Variants in APC2 observed in about 807,000 individuals in gnomAD.
APC2 encodes APC regulator of Wnt signaling pathway 2.
APC2 carries 41 observed loss-of-function variants against 72.5 expected under a neutral mutation model. The ratio of observed to expected loss-of-function variants is 0.57; its 90% confidence interval spans 0.44 to 0.73. APC2 has a LOEUF of 0.73. Ranked by LOEUF, APC2 falls within the 30% of genes least tolerant of loss-of-function variation. The pLI is 0.00. For synonymous variants in APC2, 1,898 were observed against 1,612.0 expected, an observed-to-expected ratio of 1.18 and a Z score of -4.25; for missense variants, 3,729 against 3,403.4, an observed-to-expected ratio of 1.10 and a Z score of -2.38.
intron 10 of APC2, among the ~76,000 whole-genome samples, chr19:1,459,474 A>C (rs550613091): frequency 1.3e-5 from 2 of 151,404 alleles, no homozygotes; most frequent in South Asian, 2.1e-4. Flanking sequence ...GCTGCCCCCC[A>C]CTCCTGGCTC....
chr19:1,457,107 G>A lies in APC2; in HGVS notation c.1071G>A (p.Ser357=), dbSNP rs370181562. 11 of 1,583,384 alleles carry A rather than the reference G, an allele frequency of 6.9e-6. No individual in the cohort carries two copies. The highest frequency in any genetic ancestry group is 1.8e-5 in the Admixed American group (1 of 56,788). ...ANAALHNIVF[S]QPDQGLARKE... is the part of the protein sequence containing the mutation. ...CGGCGCTGCACAACATCGTCTTCTC[G>A]CAGCCGGACCAGGGCCTGGCGCGCA... Residue 357 remains serine (S), a synonymous_variant, in exon 9 of 15, where the codon TCG becomes TCA. Transcript: ENST00000590469.
chr19:1,468,048 G>C lies in APC2; in HGVS notation c.4747G>C (p.Ala1583Pro), dbSNP rs751572198. The C allele has an allele frequency of 6.3e-7, 1 of 1,577,844 alleles. No homozygotes were observed. The highest frequency in any genetic ancestry group is 8.5e-7 in the Non-Finnish European group (1 of 1,171,354). ...TPPCYSLSSS[A>P]SSLSEPEPSE... Reference sequence around the variant, plus strand: ...GCCCTGCTACTCCCTGAGCTCCTCCGCCAGCTCCCTCAGCGAGCCCGAGCC... The same window carrying C: ...GCCCTGCTACTCCCTGAGCTCCTCCCCCAGCTCCCTCAGCGAGCCCGAGCC... The change falls in exon 15 of 15, where the codon GCC becomes CCC. Residue 1583 changes from alanine to proline, a missense_variant. Transcript: ENST00000590469.
chr19:1,456,321 A>C lies in APC2; in HGVS notation c.733A>C (p.Lys245Gln). The change falls in exon 8 of 15, where the codon AAG becomes CAG. Residue 245 changes from lysine (K) to glutamine (Q), a missense_variant. Transcript: ENST00000590469. Reference protein sequence around the residue: ...QTEPQALLAVKSVPVDEDPET... With the variant: ...QTEPQALLAVQSVPVDEDPET... ...CTCCCTGCAGGCCTTGCTGGCGGTG[A>C]AGTCGGTGCCGGTGGACGAGGACCC... 1 of 1,608,658 alleles carries C rather than the reference A, an allele frequency of 6.2e-7. No individual in the cohort carries two copies. Among genetic ancestry groups the C allele is most frequent in the Non-Finnish European group, 8.5e-7 (1 of 1,178,330 alleles).
At chr19:1,453,977 GC>G (rs2083780348) in intron 4 of APC2, among the ~76,000 whole-genome samples, 1 of 152,238 alleles carries the variant, frequency 6.6e-6, no homozygotes, top group Admixed American at 6.5e-5. Context: ...CGGGCTCAAA[GC>G]CGTCTTTGTA....
chr19:1,462,108 C>T lies in APC2; in HGVS notation c.1784C>T (p.Ala595Val), dbSNP rs139032121. The change falls in exon 14 of 15, where the codon GCC becomes GTC. Residue 595 changes from alanine (A) to valine (V), a missense_variant. Coordinates refer to ENST00000590469, the MANE Select transcript of APC2 (RefSeq NM_005883.3). Reference protein sequence around the residue: ...LTYKCQSNSLAIIESGGGILR... With the variant: ...LTYKCQSNSLVIIESGGGILR... ...TACAAGTGTCAGAGCAACTCGCTGG[C>T]CATCATCGAGAGCGGCGGCGGCATC... 41 of 1,612,876 alleles carry T rather than the reference C, an allele frequency of 2.5e-5. 1 individual carries two copies. In the African/African-American group the frequency reaches 4.8e-4, roughly 19 times the overall value.
rs771831923 is a variant in APC2, at chr19:1,456,914, G to C, written c.878G>C (p.Arg293Pro). Reference protein sequence around the residue: ...LATRDQEDTARTLLAMSSSPE... With the variant: ...LATRDQEDTAPTLLAMSSSPE... ...ACGCGCGACCAGGAGGATACAGCGC[G>C]CACGCTGCTGGCCATGTCCAGCTCG... The change falls in exon 9 of 15, where the codon CGC (arginine) becomes CCC (proline). Residue 293 changes from arginine to proline, a missense_variant. By Grantham distance (103) the Arg-to-Pro change is moderately radical. Transcript: ENST00000590469. The C allele has an allele frequency of 6.3e-7, 1 of 1,576,610 alleles. No homozygotes were observed. Among genetic ancestry groups the C allele is most frequent in the East Asian group, 2.3e-5 (1 of 43,116 alleles).
intron 14 of APC2, among the ~76,000 whole-genome samples, chr19:1,464,324 T>A (rs1032014163): frequency 3.3e-5 from 5 of 151,598 alleles, no homozygotes; most frequent in Non-Finnish European, 5.9e-5. Flanking sequence ...AAAAAAAAAT[T>A]ATTAAAATAA....
Position 1,457,968 on chromosome 19 carries a change from C to T in APC2, c.1211C>T (p.Pro404Leu), listed in dbSNP as rs141413463. The change falls in exon 10 of 15, where the codon CCG becomes CTG. Residue 404 changes from proline to leucine, a missense_variant. Transcript: ENST00000590469. ...GATCTGGTCCCTGTGCCCACAGCCC[C>T]GATCCCCATCGAGCCGCAGATCTGC... Reference protein sequence around the residue: ...GPEGGGAGSAPIPIEPQICQA... With the variant: ...GPEGGGAGSALIPIEPQICQA... 21 of 1,554,348 alleles carry T rather than the reference C, an allele frequency of 1.4e-5. No individual in the cohort carries two copies. Among genetic ancestry groups the T allele is most frequent in the African/African-American group, 5.5e-5 (4 of 72,554 alleles).
chr19:1,465,665 TGCGGCC>T lies in APC2; in HGVS notation c.2371_2376del (p.Ala791_Ala792del), dbSNP rs768630327. 10 of 1,599,588 alleles carry T rather than the reference TGCGGCC, an allele frequency of 6.3e-6. No homozygotes were observed. In the East Asian group the frequency reaches 2.3e-4, roughly 36 times the overall value. ...ACGACGATGCACCGTCATCCCTGGC[TGCGGCC>T]GCGGCCACCGGGGAGCCAGCCAGCC... On this transcript the variant is annotated inframe_deletion, in exon 15 of 15. Coordinates refer to ENST00000590469, the MANE Select transcript of APC2 (RefSeq NM_005883.3).
At chr19:1,459,818 G>A (rs1031785184) in intron 10 of APC2, among the ~76,000 whole-genome samples, 5 of 152,210 alleles carry the variant, frequency 3.3e-5, no homozygotes, top group Non-Finnish European at 5.9e-5. Context: ...GTCTTGGGGT[G>A]TATTATTAGA....
chr19:1,448,627 C>T (rs966143155), upstream of APC2, among the ~76,000 whole-genome samples: 20 of 150,472 alleles, frequency 1.3e-4, no homozygotes, highest in African/African-American at 4.9e-4. Flanking sequence ...GGGTGGATCA[C>T]GAGGTCAGGA....
In APC2 at chr19:1,465,648, G is replaced by A; in HGVS notation, c.2347G>A (p.Ala783Thr). The change falls in exon 15 of 15, where the codon GCA (alanine) becomes ACA (threonine). Residue 783 changes from alanine (A) to threonine (T), a missense_variant. Transcript: ENST00000590469. Reference sequence around the variant, plus strand: ...TTCGGGCTGCTTTGACGACGACGATGCACCGTCATCCCTGGCTGCGGCCGC... The same window carrying A: ...TTCGGGCTGCTTTGACGACGACGATACACCGTCATCCCTGGCTGCGGCCGC... The part of the protein sequence containing the change: ...SDSGCFDDDD[A>T]PSSLAAAAAT... 6.2e-7 allele frequency: 1 copy of A among 1,603,434 alleles called. No individual in the cohort carries two copies. The highest frequency in any genetic ancestry group is 8.5e-7 in the Non-Finnish European group (1 of 1,176,002).
rs1392071163 is a variant in APC2, at chr19:1,461,859, A to AG, written c.1639-104_1639-103insG. ...AGAGTGAGATTCCGTCTCAAAAAAA[A>AG]AAAACAAAAAACAAAAAAACCCAAC... is the stretch of plus-strand genomic sequence containing the variant. On this transcript the variant is annotated intron_variant, in intron 13 of 14. Transcript: ENST00000590469. 3 of 1,015,468 alleles carry AG rather than the reference A, an allele frequency of 3.0e-6. No homozygotes were observed. In the East Asian group the frequency reaches 7.8e-5, roughly 26 times the overall value. 62.9% of individuals were successfully genotyped at this position (1,015,468 alleles called of 1,614,324 possible). A position where few individuals can be genotyped will look rare whatever the true frequency, so the allele number is the denominator to read the frequency against.
Position 1,460,419 on chromosome 19 carries a change from GCTGGGGCCA to G in APC2, c.1443+102_1443+110del. 3.2e-6 allele frequency: 5 copies of G among 1,550,784 alleles called. No homozygotes were observed. The South Asian group carries it at 6.0e-5, about 19-fold the overall frequency. On this transcript the variant is annotated intron_variant, in intron 11 of 14. Coordinates refer to ENST00000590469, the MANE Select transcript of APC2 (RefSeq NM_005883.3). Reference sequence around the variant, plus strand: ...TCCCAGCCTCGAAACAGCCCTGAGAGCTGGGGCCACTTGTCCCCAACTTACAGACGGGTA... The same window carrying G: ...TCCCAGCCTCGAAACAGCCCTGAGAGCTTGTCCCCAACTTACAGACGGGTA...
chr19:1,465,595 A>C lies in APC2; in HGVS notation c.2294A>C (p.Asp765Ala), dbSNP rs1321105407. 2.5e-6 allele frequency: 4 copies of C among 1,585,452 alleles called. No individual in the cohort carries two copies. Among genetic ancestry groups the C allele is most frequent in the Non-Finnish European group, 3.4e-6 (4 of 1,167,524 alleles). Residue 765 changes from aspartate to alanine, a missense_variant, in exon 15 of 15, where the codon GAC becomes GCC. Coordinates refer to ENST00000590469, the MANE Select transcript of APC2 (RefSeq NM_005883.3). ...KKPLPPLRHLDGLAQDYASDS... is the reference protein window; with the variant it reads ...KKPLPPLRHLAGLAQDYASDS... ...CCGCTGCCGCCCCTGCGACACCTGGACGGCCTGGCCCAAGACTATGCTTCC... is the reference window on the plus strand; with the variant it reads ...CCGCTGCCGCCCCTGCGACACCTGGCCGGCCTGGCCCAAGACTATGCTTCC...
Position 1,455,163 on chromosome 19 carries a change from A to T in APC2, c.428A>T (p.Asn143Ile). The change falls in exon 5 of 15, where the codon AAT becomes ATT. Residue 143 changes from asparagine (N) to isoleucine (I), a missense_variant. Coordinates refer to ENST00000590469, the MANE Select transcript of APC2 (RefSeq NM_005883.3). ...ELDRERCFLL[N>I]EIEKEEKEKL... ...TTGCTCCCCAGGTGTTTCCTGCTGA[A>T]TGAGATTGAGAAGGAGGAGAAGGAG... The T allele has an allele frequency of 6.3e-7, 1 of 1,577,506 alleles. No homozygotes were observed. Among genetic ancestry groups the T allele is most frequent in the Non-Finnish European group, 8.5e-7 (1 of 1,170,014 alleles).
At position 1,471,606 on chromosome 19, in the gene APC2, G is replaced by C. The variant is rs943662706; in HGVS notation, c.*1393G>C. Reference sequence around the variant, plus strand: ...CCGACGACCTCTTTTCTGCAGAAAAGCTCCAGCAGGCGCTGCCTTCACCCA... The same window carrying C: ...CCGACGACCTCTTTTCTGCAGAAAACCTCCAGCAGGCGCTGCCTTCACCCA... On this transcript the variant is annotated 3_prime_UTR_variant, in exon 15 of 15. Transcript: ENST00000590469. 2.0e-5 allele frequency: 3 copies of C among 152,250 alleles called. No homozygotes were observed. Among genetic ancestry groups the C allele is most frequent in the Non-Finnish European group, 4.4e-5 (3 of 68,056 alleles). The allele number at this position is 152,250 out of a possible 1,614,324, so 9.4% of individuals were successfully genotyped here. A position where few individuals can be genotyped will look rare whatever the true frequency, so the allele number is the denominator to read the frequency against.
At chr19:1,448,571 C>T (rs969033944), upstream of APC2, among the ~76,000 whole-genome samples, 1 of 135,290 alleles carries the variant, frequency 7.4e-6, no homozygotes, top group African/African-American at 2.8e-5. Context: ...AAAGGCCGGG[C>T]GTGGTGGTTC....
chr19:1,459,227 C>A lies in APC2; in HGVS notation c.1304-954C>A, dbSNP rs143299038. Among the ~76,000 whole-genome samples, 34 of 152,284 alleles carry A rather than the reference C, an allele frequency of 2.2e-4. No individual in the cohort carries two copies. In the East Asian group the frequency reaches 6.4e-3, roughly 29 times the overall value. On this transcript the variant is annotated intron_variant, in intron 10 of 14. Transcript: ENST00000590469. ...AGAGCCTCATTCCTTTTGAGACAGACAGGGTCTTGCTCTGTTGCCCATGCT... is the reference window on the plus strand; with the variant it reads ...AGAGCCTCATTCCTTTTGAGACAGAAAGGGTCTTGCTCTGTTGCCCATGCT...
Sources: allele counts gnomAD v4.1 joint callset (sites outside exome capture counted in the v4.1 genomes callset), GRCh38; gene constraint gnomAD v4.1.1; transcripts MANE v1.5; gene names NCBI Gene and HGNC (gene_info 2026-07-23, HGNC 2026-07-21).